The following TRIQK variants were observed in gnomAD, a reference collection of about 807,000 sequenced individuals.
The protein encoded by TRIQK is triple QxxK/R motif-containing protein.
Under a neutral mutation model 10.8 loss-of-function variants are expected in TRIQK, and 10 were observed. The ratio of observed to expected loss-of-function variants is 0.92; its 90% confidence interval spans 0.57 to 1.57. TRIQK has a LOEUF of 1.57. TRIQK is among the 40% of genes most tolerant of loss of function. The pLI, the probability that TRIQK is intolerant of heterozygous loss-of-function variation, is 0.00. For synonymous variants in TRIQK, 33 were observed against 33.7 expected (o/e 0.98, Z 0.07); for missense variants, 107 against 97.7 (o/e 1.09, Z -0.40).
At chr8:92,962,613 T>A (rs900340364) in intron 1 of TRIQK, among the ~76,000 whole-genome samples, 1 of 152,114 alleles carries the variant, frequency 6.6e-6, no homozygotes, top group Non-Finnish European at 1.5e-5. Flanking sequence ...GGAAAACCAT[T>A]CTGGAAATGG....
chr8:92,893,769 T>C (rs1465139823), intron 3 of TRIQK, among the ~76,000 whole-genome samples: 1 of 151,872 alleles, frequency 6.6e-6, no homozygotes, highest in Non-Finnish European at 1.5e-5. Flanking sequence ...CTGAAAGATA[T>C]TTGAAGATTG....
intron 1 of TRIQK, among the ~76,000 whole-genome samples, chr8:93,010,493 C>T (rs997795492): frequency 6.6e-6 from 1 of 151,890 alleles, no homozygotes; most frequent in Non-Finnish European, 1.5e-5. Flanking sequence ...TATCCAAAAT[C>T]ACTAACATTA....
intron 1 of TRIQK, among the ~76,000 whole-genome samples, chr8:92,990,378 C>G (rs1233760559): frequency 6.6e-6 from 1 of 151,932 alleles, no homozygotes; most frequent in Non-Finnish European, 1.5e-5. Flanking sequence ...TTTGTGCTTT[C>G]TTTGTATTTT....
intron 2 of TRIQK, among the ~76,000 whole-genome samples, chr8:92,936,197 T>C (rs978697844): frequency 6.6e-6 from 1 of 151,622 alleles, no homozygotes; most frequent in African/African-American, 2.4e-5. Flanking sequence ...ATCTTATTTA[T>C]GAACAAAGAT....
intron 1 of TRIQK, among the ~76,000 whole-genome samples, chr8:93,002,056 T>G (rs890531858): frequency 1.3e-5 from 2 of 151,592 alleles, no homozygotes; most frequent in Admixed American, 1.3e-4. Flanking sequence ...TAAAAAAAAT[T>G]TAAACTTTTT....
Position 92,996,183 on chromosome 8 carries a change from G to A in TRIQK, c.-181+21426C>T, listed in dbSNP as rs77932777. On this transcript the variant is annotated intron_variant, in intron 1 of 4. Coordinates refer to the TRIQK transcript ENST00000520686. ...TGGAATTAAATCTAAACTCTTTTTT[G>A]TGGTCTGCAAGATTTGCATAATTTT... Among the ~76,000 whole-genome samples, 32 of 151,886 alleles carry A rather than the reference G, an allele frequency of 2.1e-4. No homozygotes were observed. In the East Asian group the frequency reaches 6.2e-3, roughly 29 times the overall value.
intron 3 of TRIQK, among the ~76,000 whole-genome samples, chr8:92,897,762 G>A (rs926090253): frequency 6.6e-6 from 1 of 151,982 alleles, no homozygotes; most frequent in Non-Finnish European, 1.5e-5. Flanking sequence ...TCTTAATTTT[G>A]CTGAGGAGCT....
At chr8:92,986,582 C>G (rs561203003) in intron 1 of TRIQK, among the ~76,000 whole-genome samples, 2 of 152,192 alleles carry the variant, frequency 1.3e-5, no homozygotes, top group Admixed American at 1.3e-4. Flanking sequence ...ACACAACTTT[C>G]TAGATAATTC....
chr8:92,892,365 CT>C (rs925482413), intron 3 of TRIQK, among the ~76,000 whole-genome samples: 10 of 151,880 alleles, frequency 6.6e-5, no homozygotes, highest in African/African-American at 1.9e-4. Context: ...GAAAATAAAA[CT>C]TTTGGAAGCA....
rs1014327242 is a variant in TRIQK, at chr8:92,888,247, G to C, written c.148-1512C>G. On this transcript the variant is annotated intron_variant, in intron 4 of 4. Transcript: ENST00000521988. Reference sequence around the variant, plus strand: ...ATGCAAGAATTAAGTTTGTACTCTTGATTGGAGGCCATGATTCATATCTTA... The same window carrying C: ...ATGCAAGAATTAAGTTTGTACTCTTCATTGGAGGCCATGATTCATATCTTA... Among the ~76,000 whole-genome samples, 3 of 151,644 alleles carry C rather than the reference G, an allele frequency of 2.0e-5. No homozygotes were observed. The East Asian group carries it at 5.8e-4, about 29-fold the overall frequency.
intron 1 of TRIQK, among the ~76,000 whole-genome samples, chr8:92,976,224 G>A (rs1160908325): frequency 1.6e-4 from 24 of 151,964 alleles, no homozygotes. Flanking sequence ...ATGTCTACTT[G>A]TTTTAATAAT....
chr8:92,897,990 C>T (rs1247854536), intron 3 of TRIQK, among the ~76,000 whole-genome samples: 1 of 152,016 alleles, frequency 6.6e-6, no homozygotes, highest in Non-Finnish European at 1.5e-5. Context: ...ACATGACCTT[C>T]TAGATTCTCA....
chr8:92,892,533 C>T (rs995287396), intron 3 of TRIQK, among the ~76,000 whole-genome samples: 8 of 151,824 alleles, frequency 5.3e-5, no homozygotes, highest in Non-Finnish European at 1.0e-4. Flanking sequence ...CCCAAGTTTC[C>T]TTTAAGTAAA....
chr8:92,906,294 T>G (rs1171894436), intron 3 of TRIQK, among the ~76,000 whole-genome samples: 4 of 152,180 alleles, frequency 2.6e-5, no homozygotes, highest in Non-Finnish European at 1.5e-5. Context: ...TAGTGTTGGC[T>G]GAGGTAATTT....
intron 3 of TRIQK, among the ~76,000 whole-genome samples, chr8:92,896,283 G>A (rs1012104985): frequency 2.0e-5 from 3 of 152,174 alleles, no homozygotes; most frequent in Admixed American, 1.3e-4. Flanking sequence ...GTCTTAGCAG[G>A]GTTCATGTAG....
chr8:92,885,371 A>C lies in TRIQK; in HGVS notation c.*1251T>G, dbSNP rs995143588. The C allele has an allele frequency of 2.0e-5, 4 of 196,596 alleles. No individual in the cohort carries two copies. Among genetic ancestry groups the C allele is most frequent in the Non-Finnish European group, 4.3e-5 (4 of 93,774 alleles). The allele number at this position is 196,596 out of a possible 1,614,324, so 12.2% of individuals were successfully genotyped here. A position where few individuals can be genotyped will look rare whatever the true frequency, so the allele number is the denominator to read the frequency against. On this transcript the variant is annotated 3_prime_UTR_variant, in exon 5 of 5. Transcript: ENST00000521988. ...AATCTTAATATTTTATTTATTCTTC[A>C]TAAATACAATGTATATAATATAAAA...
chr8:92,937,609 G>A (rs1811059392), intron 2 of TRIQK, among the ~76,000 whole-genome samples: 1 of 149,162 alleles, frequency 6.7e-6, no homozygotes, highest in Non-Finnish European at 1.5e-5. Flanking sequence ...TGCTTCTTTG[G>A]GATTAATTGA....
At chr8:92,952,011 A>G (rs1385339584) in intron 2 of TRIQK, among the ~76,000 whole-genome samples, 1 of 152,170 alleles carries the variant, frequency 6.6e-6, no homozygotes, top group East Asian at 1.9e-4. Flanking sequence ...AGGCCTATTT[A>G]CAGCAGTTCC....
Position 92,913,540 on chromosome 8 carries a change from C to T in TRIQK, c.61+3389G>A, listed in dbSNP as rs145756783. 1.0e-3 allele frequency among the ~76,000 whole-genome samples: 156 copies of T among 152,266 alleles called. 1 individual carries two copies. The highest frequency in any genetic ancestry group is 3.4e-3 in the African/African-American group (142 of 41,556). On this transcript the variant is annotated intron_variant, in intron 3 of 4. Coordinates refer to ENST00000521988, the MANE Select transcript of TRIQK (RefSeq NM_001171797.2). ...TTGGTGGGAGTGCCAATTAGTTCAA[C>T]CATTGTAGAAGACATTGTGGTGATT...
Sources: gnomAD v4.1 joint callset for allele counts (sites outside exome capture counted in the v4.1 genomes callset) on GRCh38, gnomAD v4.1.1 for gene constraint, MANE v1.5 for transcripts, NCBI Gene and HGNC (gene_info 2026-07-23, HGNC 2026-07-21) for gene names.